The following ITIH5 variants were observed in gnomAD, a reference collection of about 807,000 sequenced individuals.
ITIH5 encodes inter-alpha-trypsin inhibitor heavy chain 5.
Under a neutral mutation model 77.5 loss-of-function variants are expected in ITIH5, and 65 were observed. The observed-to-expected ratio is 0.84, with a 90% CI of 0.69 to 1.03. The LOEUF is 1.03. ITIH5 is among the 50% of genes least tolerant of loss of function. ITIH5 has a pLI of 0.00. For missense variants in ITIH5, 1,208 were observed against 1,213.1 expected (o/e 1.00, Z 0.06); for synonymous variants, 525 against 494.3 (o/e 1.06, Z -0.82).
chr10:7,577,101 G>T, intron 9 of ITIH5, 89 bp from the exon 10 acceptor site: 1 of 1,138,604 alleles, frequency 8.8e-7, no homozygotes, highest in East Asian at 2.4e-5. Context: ...AGACTCTCAG[G>T]GGGATGCATC....
intron 7 of ITIH5, among the ~76,000 whole-genome samples, chr10:7,590,939 C>A (rs1398112727): frequency 6.6e-6 from 1 of 152,224 alleles, no homozygotes; most frequent in African/African-American, 2.4e-5. Flanking sequence ...GCTCTGTCAC[C>A]AGGCTGGAGT....
chr10:7,605,759 T>C (rs1237720295), intron 7 of ITIH5, among the ~76,000 whole-genome samples: 1 of 62,848 alleles, frequency 1.6e-5, no homozygotes, highest in African/African-American at 4.8e-5. Flanking sequence ...ATTCTGACAC[T>C]GATAAGCACT....
Position 7,634,485 on chromosome 10 carries a change from G to C in ITIH5, c.652+2743C>G, listed in dbSNP as rs148934773. 2.8e-3 allele frequency among the ~76,000 whole-genome samples: 424 copies of C among 152,312 alleles called. 4 individuals carry two copies. Among genetic ancestry groups the C allele is most frequent in the African/African-American group, 9.6e-3 (399 of 41,564 alleles). On this transcript the variant is annotated intron_variant, in intron 5 of 13. Coordinates refer to ENST00000397146, the MANE Select transcript of ITIH5 (RefSeq NM_030569.7). ...TCATGTTCTGGACGGCAAAGTATCT[G>C]CTTTGGTACAAGGAGCTAAGAAAAC...
At position 7,653,921 on chromosome 10, in the gene ITIH5, G is replaced by A. The variant is rs546415970; in HGVS notation, c.135+1710C>T. ...TGTAATCCCAACACTTTGGGAGGCC[G>A]AGGTGGGCGGATCACCTGAGGTCAG... is the stretch of plus-strand genomic sequence containing the variant. On this transcript the variant is annotated intron_variant, in intron 2 of 13. Coordinates refer to ENST00000397146, the MANE Select transcript of ITIH5 (RefSeq NM_030569.7). Among the ~76,000 whole-genome samples, 9 of 152,292 alleles carry A rather than the reference G, an allele frequency of 5.9e-5. No individual in the cohort carries two copies. In the South Asian group the frequency reaches 1.5e-3, roughly 25 times the overall value.
chr10:7,634,323 A>G (rs1170876697), intron 5 of ITIH5, among the ~76,000 whole-genome samples: 1 of 152,118 alleles, frequency 6.6e-6, no homozygotes, highest in Non-Finnish European at 1.5e-5. Flanking sequence ...ACAAAATCAC[A>G]ACATCCTGTG....
At chr10:7,640,896 C>T in intron 3 of ITIH5, 41 bp from the exon 4 acceptor site, 1 of 1,330,736 alleles carries the variant, frequency 7.5e-7, no homozygotes. Flanking sequence ...CTTGCAGTTC[C>T]AAGACAAATT....
intron 8 of ITIH5, among the ~76,000 whole-genome samples, chr10:7,584,465 G>A (rs1205273979): frequency 4.0e-5 from 6 of 151,886 alleles, no homozygotes; most frequent in African/African-American, 9.6e-5. Context: ...CACCACACCC[G>A]GCTAACTTTT....
intron 7 of ITIH5, among the ~76,000 whole-genome samples, chr10:7,599,587 C>T (rs976631153): frequency 5.3e-5 from 8 of 152,144 alleles, no homozygotes; most frequent in African/African-American, 1.7e-4. Flanking sequence ...GACCTGATCG[C>T]CTTTCCCTCT....
chr10:7,568,088 G>A (rs533860894), intron 12 of ITIH5, among the ~76,000 whole-genome samples: 5 of 152,252 alleles, frequency 3.3e-5, no homozygotes, highest in East Asian at 1.9e-4. Context: ...CCAGGGTTCC[G>A]TGCTGTCTGG....
intron 2 of ITIH5, among the ~76,000 whole-genome samples, chr10:7,651,270 C>T (rs1165732736): frequency 1.3e-5 from 2 of 152,070 alleles, no homozygotes; most frequent in Admixed American, 1.3e-4. Flanking sequence ...GCCACACATC[C>T]AACCATCTCC....
chr10:7,656,022 T>A (rs1834176505), intron 1 of ITIH5, among the ~76,000 whole-genome samples: 2 of 152,196 alleles, frequency 1.3e-5, no homozygotes, highest in Non-Finnish European at 2.9e-5. Context: ...GGGCCTCAAG[T>A]TAAACTCTTT....
chr10:7,572,594 A>C (rs2130949501), intron 11 of ITIH5, among the ~76,000 whole-genome samples: 1 of 152,050 alleles, frequency 6.6e-6, no homozygotes, highest in African/African-American at 2.4e-5. Flanking sequence ...AATATAGCTC[A>C]CTGCAGCCTC....
chr10:7,607,773 C>A (rs1325264890), intron 7 of ITIH5, among the ~76,000 whole-genome samples: 1 of 152,218 alleles, frequency 6.6e-6, no homozygotes, highest in East Asian at 1.9e-4. Context: ...GAGATAGCGC[C>A]ATTGCACTCC....
At position 7,586,081 on chromosome 10, in the gene ITIH5, C is replaced by G. The variant is rs752159700; in HGVS notation, c.940-12G>C. 4 of 1,608,412 alleles carry G rather than the reference C, an allele frequency of 2.5e-6. No individual in the cohort carries two copies. The South Asian group carries it at 4.4e-5, about 18-fold the overall frequency. ...AGGGCATCCTTGGTCTAGGCAAACA[C>G]AAAAGCAAAACCAGTCACAGCTGCT... is the stretch of plus-strand genomic sequence containing the variant. On this transcript the variant is annotated splice_polypyrimidine_tract_variant and intron_variant, in intron 7 of 13. Coordinates refer to ENST00000397146, the MANE Select transcript of ITIH5 (RefSeq NM_030569.7).
At chr10:7,627,603 A>G (rs937201648) in intron 5 of ITIH5, among the ~76,000 whole-genome samples, 2 of 152,130 alleles carry the variant, frequency 1.3e-5, no homozygotes, top group African/African-American at 4.8e-5. Context: ...TTTATTGGAC[A>G]CTTACACAGG....
chr10:7,617,240 T>A lies in ITIH5; in HGVS notation c.695A>T (p.Glu232Val). 1 of 1,599,760 alleles carries A rather than the reference T, an allele frequency of 6.3e-7. No homozygotes were observed. Among genetic ancestry groups the A allele is most frequent in the Non-Finnish European group, 8.5e-7 (1 of 1,173,936 alleles). Residue 232 changes from glutamate to valine, a missense_variant, in exon 6 of 14, where the codon GAA (glutamate) becomes GTA (valine). By Grantham distance (121) the Glu-to-Val change is moderately radical. Transcript: ENST00000397146. ...PPPSTVINQN[E>V]TFANIIFKPT... ...TTTAAAAATTATGTTGGCAAATGTTTCATTTTGGTTAATGACAGTAGATGG... is the reference window on the plus strand; with the variant it reads ...TTTAAAAATTATGTTGGCAAATGTTACATTTTGGTTAATGACAGTAGATGG...
intron 2 of ITIH5, among the ~76,000 whole-genome samples, chr10:7,644,892 A>C (rs113343921): frequency 1.9e-5 from 1 of 53,996 alleles, no homozygotes; most frequent in Non-Finnish European, 3.7e-5. Context: ...TATCACATAT[A>C]TATATCACAT....
chr10:7,600,499 G>A, intron 7 of ITIH5: 1 of 456,596 alleles, frequency 2.2e-6, no homozygotes, highest in Non-Finnish European at 4.4e-6. Flanking sequence ...AATGAGCCCG[G>A]TCTCTCCTCC....
Position 7,637,435 on chromosome 10 carries a change from T to C in ITIH5, c.445A>G (p.Ser149Gly), listed in dbSNP as rs1833820132. ...EIFRASAVIPSKDKAAFFLSY... is the reference protein window; with the variant it reads ...EIFRASAVIPGKDKAAFFLSY... ...AGGAAAAAGGCGGCTTTGTCCTTGC[T>C]GGGAATCACTGCAGAAGCTCTGAAT... The change falls in exon 5 of 14, where the codon AGC becomes GGC. Residue 149 changes from serine (S) to glycine (G), a missense_variant. Transcript: ENST00000397146. 1 of 1,613,968 alleles carries C rather than the reference T, an allele frequency of 6.2e-7. No individual in the cohort carries two copies. Among genetic ancestry groups the C allele is most frequent in the Non-Finnish European group, 8.5e-7 (1 of 1,179,854 alleles).
Sources: gnomAD v4.1 joint callset for allele counts (sites outside exome capture counted in the v4.1 genomes callset) on GRCh38, gnomAD v4.1.1 for gene constraint, MANE v1.5 for transcripts, NCBI Gene and HGNC (gene_info 2026-07-23, HGNC 2026-07-21) for gene names.